The following HECTD4 variants were observed in gnomAD, a reference collection of about 807,000 sequenced individuals.
The protein encoded by HECTD4 is probable E3 ubiquitin-protein ligase HECTD4.
HECTD4 carries 114 observed loss-of-function variants against 471.5 expected under a neutral mutation model. The ratio of observed to expected loss-of-function variants is 0.24; its 90% CI spans 0.21 to 0.28. The LOEUF is 0.28. Among genes scored for constraint, HECTD4 ranks in the 10% least tolerant of loss-of-function variants. The pLI, the probability that HECTD4 is intolerant of heterozygous loss-of-function variation, is 1.00. For missense variants in HECTD4, 3,866 were observed against 5,651.5 expected (o/e 0.68, Z 10.13); for synonymous variants, 2,012 against 2,256.0 (o/e 0.89, Z 3.07).
chr12:112,260,153 C>T (rs906699667), intron 18 of HECTD4, among the ~76,000 whole-genome samples: 10 of 152,136 alleles, frequency 6.6e-5, no homozygotes, highest in African/African-American at 2.2e-4. Context: ...CGGCAACCAC[C>T]ATTCTACTTT....
At chr12:112,353,765 A>T (rs558546008) in intron 1 of HECTD4, among the ~76,000 whole-genome samples, 1 of 152,374 alleles carries the variant, frequency 6.6e-6, no homozygotes, top group African/African-American at 2.4e-5. Flanking sequence ...AGCTTTAAAA[A>T]GTTAGGCTAG....
At chr12:112,323,849 C>G (rs1333402548) in intron 1 of HECTD4, among the ~76,000 whole-genome samples, 1 of 151,666 alleles carries the variant, frequency 6.6e-6, no homozygotes, top group Admixed American at 6.6e-5. Context: ...AAAATTCCAA[C>G]CAGACTATAG....
At chr12:112,267,080 T>C (rs1232892647) in intron 13 of HECTD4, 98 bp from the exon 14 acceptor site, 17 of 717,994 alleles carry the variant, frequency 2.4e-5, no homozygotes, top group East Asian at 2.2e-4. Context: ...GTCAATTGGA[T>C]GTGAGGGCAA....
At chr12:112,312,135 T>A (rs990927905) in intron 4 of HECTD4, among the ~76,000 whole-genome samples, 1 of 152,230 alleles carries the variant, frequency 6.6e-6, no homozygotes, top group Non-Finnish European at 1.5e-5. Flanking sequence ...AGACTCTCTG[T>A]CCCACACCTG....
At position 112,210,355 on chromosome 12, in the gene HECTD4, C is replaced by T. The variant is rs1307541826; in HGVS notation, c.7630-103G>A. 4.1e-6 allele frequency: 5 copies of T among 1,222,268 alleles called. No individual in the cohort carries two copies. In the African/African-American group the frequency reaches 7.4e-5, roughly 18 times the overall value. The allele number at this position is 1,222,268 out of a possible 1,614,324, so 75.7% of individuals were successfully genotyped here. On this transcript the variant is annotated intron_variant, in intron 49 of 75. Coordinates refer to ENST00000682272, the MANE Select transcript of HECTD4 (RefSeq NM_001388303.1). The stretch of plus-strand genomic sequence containing the variant: ...ACTAAACGTCACCTTGGAAGAATAG[C>T]CCGAGGTGTGTGCTGGCATGAGAAA...
rs375575367 is a variant in HECTD4, at chr12:112,179,161, G to A, written c.11211+13C>T. On this transcript the variant is annotated intron_variant, in intron 63 of 75. Transcript: ENST00000682272. This position sits in a 1 kb window ranked among gnomAD's most constrained non-coding sequence, Gnocchi z 4.3. Reference sequence around the variant, plus strand: ...CAAGGCCCGGCCTGGGTATGGTGGGGACGGGCAGCTACCTGGGTGAGCTGA... The same window carrying A: ...CAAGGCCCGGCCTGGGTATGGTGGGAACGGGCAGCTACCTGGGTGAGCTGA... 6.2e-7 allele frequency: 1 copy of A among 1,613,344 alleles called. No homozygotes were observed. Among genetic ancestry groups the A allele is most frequent in the African/African-American group, 1.3e-5 (1 of 74,928 alleles).
chr12:112,239,870 T>C lies in HECTD4; in HGVS notation c.5105+11A>G. On this transcript the variant is annotated intron_variant, in intron 33 of 75. Transcript: ENST00000682272. This position sits in a 1 kb window ranked among gnomAD's most constrained non-coding sequence, Gnocchi z 4.9. ...TAACTTACATACAACAAAAGGCCTT[T>C]CCGTACTTACCTGGTGTAAGGTATG... 1 of 1,607,808 alleles carries C rather than the reference T, an allele frequency of 6.2e-7. No homozygotes were observed. The highest frequency in any genetic ancestry group is 1.1e-5 in the South Asian group (1 of 90,206).
In HECTD4 at chr12:112,179,954, A is replaced by T. The variant is rs2137020802; in HGVS notation, c.10988-557T>A. On this transcript the variant is annotated intron_variant, in intron 62 of 75. Coordinates refer to ENST00000682272, the MANE Select transcript of HECTD4 (RefSeq NM_001388303.1). This position sits in a 1 kb window ranked among gnomAD's most constrained non-coding sequence, Gnocchi z 4.3. ...AAAAAGAGTTTTCTGAGATACAAAA[A>T]AACTGTCTATAAGCACCAGAAAAAA... Among the ~76,000 whole-genome samples the T allele has an allele frequency of 6.6e-6, 1 of 152,376 alleles. No individual in the cohort carries two copies. The highest frequency in any genetic ancestry group is 2.4e-5 in the African/African-American group (1 of 41,594).
intron 1 of HECTD4, among the ~76,000 whole-genome samples, chr12:112,329,708 A>T (rs1293783897): frequency 6.6e-6 from 1 of 152,180 alleles, no homozygotes; most frequent in Non-Finnish European, 1.5e-5. Flanking sequence ...AGAGGCATCA[A>T]ATCCATATCT....
At chr12:112,259,398 C>A in intron 18 of HECTD4, 133 bp from the exon 19 acceptor site, 1 of 820,086 alleles carries the variant, frequency 1.2e-6, no homozygotes. Flanking sequence ...TCAGCGATAG[C>A]AATTCAGTCC....
intron 1 of HECTD4, among the ~76,000 whole-genome samples, chr12:112,334,986 A>G (rs916318343): frequency 6.6e-6 from 1 of 152,198 alleles, no homozygotes; most frequent in Non-Finnish European, 1.5e-5. Context: ...CATTTGATCC[A>G]CCAATCCCAC....
chr12:112,171,728 G>T (rs1036745185), intron 67 of HECTD4, among the ~76,000 whole-genome samples: 1 of 152,178 alleles, frequency 6.6e-6, no homozygotes, highest in Non-Finnish European at 1.5e-5. Context: ...AGGAAGTCAG[G>T]ACAACCTCTT....
At chr12:112,186,151 T>C (rs544227301) in intron 60 of HECTD4, among the ~76,000 whole-genome samples, 2 of 151,926 alleles carry the variant, frequency 1.3e-5, no homozygotes, top group African/African-American at 4.8e-5. Context: ...TTTTGTATTA[T>C]TATTTTTCTT....
chr12:112,232,983 G>A (rs762634898), intron 38 of HECTD4, 21 bp downstream of exon 38: 22 of 1,581,658 alleles, frequency 1.4e-5, no homozygotes, highest in Middle Eastern at 3.3e-4. Flanking sequence ...GGGTTTCATC[G>A]TTTTAACCTC....
intron 65 of HECTD4, among the ~76,000 whole-genome samples, 173 bp from the exon 66 acceptor site, chr12:112,176,032 G>C (rs141047034): frequency 7.5e-4 from 115 of 152,350 alleles, no homozygotes; most frequent in East Asian, 6.2e-3. Flanking sequence ...CTGCGCACAG[G>C]ATACTCATAA....
intron 53 of HECTD4, 44 bp downstream of exon 53, chr12:112,204,442 T>C: frequency 6.3e-7 from 1 of 1,577,618 alleles, no homozygotes; most frequent in Non-Finnish European, 8.6e-7. Flanking sequence ...CAACCTCTCA[T>C]TTCATAGGAA....
In HECTD4 at chr12:112,235,693, C is replaced by T. The variant is rs1454009781; in HGVS notation, c.5536G>A (p.Val1846Ile). 4.3e-6 allele frequency: 7 copies of T among 1,613,924 alleles called. No individual in the cohort carries two copies. Among genetic ancestry groups the T allele is most frequent in the Non-Finnish European group, 5.9e-6 (7 of 1,179,918 alleles). Residue 1846 changes from valine (V) to isoleucine (I), a missense_variant, in exon 36 of 76, where the codon GTC (valine) becomes ATC (isoleucine). Physicochemically the swap from Val to Ile is conservative, Grantham distance 29. This residue lies in a region of HECTD4 where 12 missense variants were observed against 48.0 expected (regional missense o/e 0.25). Transcript: ENST00000682272. This position sits in a 1 kb window ranked among gnomAD's most constrained non-coding sequence, Gnocchi z 5.0. Reference protein sequence around the residue: ...LLDQRPSPKLVLIILQLCRAA... With the variant: ...LLDQRPSPKLILIILQLCRAA... Reference sequence around the variant, plus strand: ...CGGCACAGCTGGAGAATAATAAGGACTAGCTTTGGAGACGGGCGTTGGTCA... The same window carrying T: ...CGGCACAGCTGGAGAATAATAAGGATTAGCTTTGGAGACGGGCGTTGGTCA...
chr12:112,247,744 C>T (rs760890522), intron 27 of HECTD4, among the ~76,000 whole-genome samples, 194 bp from the exon 28 acceptor site: 27 of 152,112 alleles, frequency 1.8e-4, no homozygotes, highest in Non-Finnish European at 2.9e-4. Flanking sequence ...GGAATTCTTT[C>T]AGGGCTTATA....
intron 1 of HECTD4, among the ~76,000 whole-genome samples, chr12:112,353,795 C>T (rs1330431628): frequency 6.6e-6 from 1 of 152,204 alleles, no homozygotes; most frequent in African/African-American, 2.4e-5. Context: ...TTCCTGTCCT[C>T]ATAGAATCCA....
Sources: allele counts gnomAD v4.1 joint callset (sites outside exome capture counted in the v4.1 genomes callset), GRCh38; gene constraint gnomAD v4.1.1; regional missense constraint gnomAD v4.1.1; non-coding constraint Gnocchi (gnomAD v3.1); transcripts MANE v1.5; gene names NCBI Gene and HGNC (gene_info 2026-07-23, HGNC 2026-07-21).